The following HECTD2 variants were observed in gnomAD, a reference collection of about 807,000 sequenced individuals.
The protein encoded by HECTD2 is probable E3 ubiquitin-protein ligase HECTD2.
In HECTD2, 35 loss-of-function variants were observed where a neutral mutation model predicts 103.2. The ratio of observed to expected loss-of-function variants is 0.34; its 90% CI spans 0.26 to 0.45. The LOEUF (loss-of-function observed/expected upper bound fraction) is 0.45. Ranked by LOEUF, HECTD2 falls within the 20% of genes least tolerant of loss-of-function variation. The probability of loss-of-function intolerance (pLI) is 1.00; values close to 1 mark genes in which losing one functional copy is unlikely to be tolerated. For missense variants in HECTD2, 596 were observed against 937.4 expected, an observed-to-expected ratio of 0.64 and a Z score of 4.76; for synonymous variants, 281 against 329.9, an observed-to-expected ratio of 0.85 and a Z score of 1.61.
intron 16 of HECTD2, 152 bp downstream of exon 16, chr10:91,498,334 A>G (rs1310792340): frequency 1.7e-6 from 1 of 585,678 alleles, no homozygotes; most frequent in Non-Finnish European, 3.1e-6. Flanking sequence ...CTGATAAAGT[A>G]GACATGTGTA....
intron 2 of HECTD2, among the ~76,000 whole-genome samples, chr10:91,445,753 G>A (rs1052610634): frequency 6.6e-6 from 1 of 152,090 alleles, no homozygotes. Context: ...AGCAAGGTGA[G>A]GCTTTGCCAC....
At chr10:91,474,415 A>G (rs1481042743) in intron 5 of HECTD2, among the ~76,000 whole-genome samples, 2 of 152,226 alleles carry the variant, frequency 1.3e-5, no homozygotes, top group Non-Finnish European at 2.9e-5. Context: ...AAGGGTATAT[A>G]GAATATATAC....
intron 2 of HECTD2, among the ~76,000 whole-genome samples, chr10:91,454,660 G>T (rs1844991921): frequency 1.3e-5 from 2 of 151,864 alleles, no homozygotes; most frequent in Non-Finnish European, 2.9e-5. Context: ...ATGTTGGTGT[G>T]CTGCACCCAT....
chr10:91,439,202 G>C (rs1844278461), intron 2 of HECTD2, among the ~76,000 whole-genome samples: 1 of 152,006 alleles, frequency 6.6e-6, no homozygotes, highest in South Asian at 2.1e-4. Flanking sequence ...GGGTTTTTAT[G>C]GTTTTAGGTT....
At chr10:91,490,795 G>A (rs553747277) in intron 11 of HECTD2, among the ~76,000 whole-genome samples, 3 of 148,908 alleles carry the variant, frequency 2.0e-5, no homozygotes, top group East Asian at 2.0e-4. Flanking sequence ...GGAGGCTGAG[G>A]CAGGAGAATG....
intron 2 of HECTD2, among the ~76,000 whole-genome samples, chr10:91,426,494 G>C (rs761078485): frequency 3.3e-5 from 5 of 151,656 alleles, no homozygotes; most frequent in Non-Finnish European, 7.4e-5. Context: ...CATTCTTATA[G>C]GTTAGTATTT....
intron 14 of HECTD2, among the ~76,000 whole-genome samples, chr10:91,494,689 G>A (rs374871869): frequency 9.9e-5 from 15 of 152,054 alleles, no homozygotes; most frequent in African/African-American, 3.4e-4. Context: ...AATGAATAAC[G>A]CTTAACAATT....
rs201263662 is a variant in HECTD2, at chr10:91,462,194, A to G, written c.600+10A>G. On this transcript the variant is annotated intron_variant, in intron 5 of 20. Coordinates refer to ENST00000298068, the MANE Select transcript of HECTD2 (RefSeq NM_182765.6). ...TACCTTACTTAATACTGTAAGTATTATGACATGCAAGTAATATTATTCTGT... is the reference window on the plus strand; with the variant it reads ...TACCTTACTTAATACTGTAAGTATTGTGACATGCAAGTAATATTATTCTGT... The G allele has an allele frequency of 2.4e-4, 378 of 1,573,126 alleles. 1 individual carries two copies. Among genetic ancestry groups the G allele is most frequent in the East Asian group, 5.8e-4 (25 of 43,240 alleles).
chr10:91,502,626 T>C (rs1379744160), intron 20 of HECTD2, among the ~76,000 whole-genome samples: 1 of 152,126 alleles, frequency 6.6e-6, no homozygotes, highest in Non-Finnish European at 1.5e-5. Context: ...ATAATTAAAT[T>C]TCTAAACAAA....
At chr10:91,415,235 T>G (rs1843077449) in intron 1 of HECTD2, among the ~76,000 whole-genome samples, 1 of 150,148 alleles carries the variant, frequency 6.7e-6, no homozygotes, top group African/African-American at 2.4e-5. Context: ...TGTGTGTACT[T>G]AACAACAATA....
intron 1 of HECTD2, among the ~76,000 whole-genome samples, chr10:91,411,765 G>A (rs954276209): frequency 1.3e-5 from 2 of 152,228 alleles, no homozygotes; most frequent in Admixed American, 1.3e-4. Context: ...TGGAGCTGGG[G>A]TTAGGGATTA....
At chr10:91,457,351 T>TA (rs990342401) in intron 2 of HECTD2, among the ~76,000 whole-genome samples, 10 of 151,726 alleles carry the variant, frequency 6.6e-5, no homozygotes, top group East Asian at 3.9e-4. Flanking sequence ...AAAGATAGTT[T>TA]AAAAAAAATA....
At chr10:91,470,838 G>A (rs1845698666) in intron 5 of HECTD2, among the ~76,000 whole-genome samples, 2 of 152,116 alleles carry the variant, frequency 1.3e-5, no homozygotes, top group South Asian at 4.2e-4. Flanking sequence ...ATTCACGGCC[G>A]AATTCTACCA....
intron 1 of HECTD2, among the ~76,000 whole-genome samples, chr10:91,414,510 G>A (rs1299475487): frequency 1.3e-5 from 2 of 152,166 alleles, no homozygotes; most frequent in African/African-American, 4.8e-5. Flanking sequence ...TTTAAAAAAT[G>A]GTCTCTGCCT....
intron 5 of HECTD2, among the ~76,000 whole-genome samples, chr10:91,475,007 G>A (rs1034067852): frequency 2.0e-5 from 3 of 152,216 alleles, no homozygotes; most frequent in Admixed American, 2.0e-4. Flanking sequence ...AATAAGGCTT[G>A]TGAGACTAAA....
intron 1 of HECTD2, among the ~76,000 whole-genome samples, chr10:91,410,837 C>T (rs1842890246): frequency 2.0e-5 from 3 of 152,228 alleles, no homozygotes; most frequent in Admixed American, 2.0e-4. Flanking sequence ...GGGTTATTTT[C>T]TGGGGCTTGG....
chr10:91,415,930 A>G (rs1269816323), intron 1 of HECTD2, among the ~76,000 whole-genome samples: 5 of 152,184 alleles, frequency 3.3e-5, no homozygotes, highest in African/African-American at 1.2e-4. Flanking sequence ...AGGGAGGGCT[A>G]TGGCTTTATA....
intron 1 of HECTD2, among the ~76,000 whole-genome samples, chr10:91,423,487 A>G (rs906444473): frequency 2.6e-5 from 4 of 152,234 alleles, no homozygotes; most frequent in Middle Eastern, 3.4e-3. Flanking sequence ...ACAAATTACA[A>G]TAAAATCTAT....
chr10:91,441,886 CTTTTTTTTTT>C (rs765691512), intron 2 of HECTD2, among the ~76,000 whole-genome samples: 1 of 81,954 alleles, frequency 1.2e-5, no homozygotes, highest in Non-Finnish European at 2.2e-5. Context: ...GCAACCCTTG[CTTTTTTTTTT>C]TTTTTTTTTT....
Sources: allele counts gnomAD v4.1 joint callset (sites outside exome capture counted in the v4.1 genomes callset), GRCh38; gene constraint gnomAD v4.1.1; transcripts MANE v1.5; gene names NCBI Gene and HGNC (gene_info 2026-07-23, HGNC 2026-07-21).